Variants in BCL9 observed in about 807,000 individuals in gnomAD.
BCL9 encodes the protein B-cell CLL/lymphoma 9 protein.
Under a neutral mutation model 88.5 loss-of-function variants are expected in BCL9, and 25 were observed. The observed-to-expected ratio is 0.28, with a 90% CI of 0.21 to 0.39. The LOEUF is 0.39. Among genes scored for constraint, BCL9 ranks in the 10% least tolerant of loss-of-function variants. BCL9 has a pLI of 1.00. For missense variants in BCL9, 1,817 were observed against 1,877.8 expected (o/e 0.97, Z 0.60); for synonymous variants, 711 against 673.3 (o/e 1.06, Z -0.87).
intron 1 of BCL9, among the ~76,000 whole-genome samples, chr1:147,549,943 T>G (rs1553194660): frequency 6.6e-6 from 1 of 152,206 alleles, no homozygotes; most frequent in Admixed American, 6.5e-5. Context: ...TTCTTTGACT[T>G]GTCAAGAGCC....
At chr1:147,589,706 T>C (rs1337962368) in intron 1 of BCL9, among the ~76,000 whole-genome samples, 16 of 152,246 alleles carry the variant, frequency 1.1e-4, no homozygotes, top group African/African-American at 2.9e-4. Flanking sequence ...ATTGTAGGGA[T>C]AGACCACGTT....
intron 1 of BCL9, among the ~76,000 whole-genome samples, chr1:147,572,083 C>CAAAA (rs34956999): frequency 0.014 from 2,138 of 150,692 alleles, 25 homozygotes; most frequent in East Asian, 0.055. Flanking sequence ...ACTAAAAATA[C>CAAAA]AAAAAAAAAT....
intron 7 of BCL9, among the ~76,000 whole-genome samples, chr1:147,616,623 C>G (rs782020987): frequency 6.6e-6 from 1 of 152,070 alleles, no homozygotes; most frequent in Non-Finnish European, 1.5e-5. Flanking sequence ...AAAAATTAGC[C>G]GGGCATGCTG....
At chr1:147,596,032 G>A (rs1321780081) in intron 1 of BCL9, among the ~76,000 whole-genome samples, 1 of 152,212 alleles carries the variant, frequency 6.6e-6, no homozygotes, top group African/African-American at 2.4e-5. Context: ...GCCTTCTTAT[G>A]GGATCTGAGT....
In BCL9 at chr1:147,620,518, C is replaced by T. The variant is rs1283081622; in HGVS notation, c.2363C>T (p.Ser788Phe). 6.2e-7 allele frequency: 1 copy of T among 1,614,190 alleles called. No individual in the cohort carries two copies. Among genetic ancestry groups the T allele is most frequent in the Non-Finnish European group, 8.5e-7 (1 of 1,180,020 alleles). Reference protein sequence around the residue: ...GMGPRPFLPMSQGPGSNSGLR... With the variant: ...GMGPRPFLPMFQGPGSNSGLR... ...GGCCCCAGACCATTCCTTCCCATGT[C>T]TCAGGGTCCAGGCAGCAACAGTGGC... The change falls in exon 8 of 10, where the codon TCT becomes TTT. Residue 788 changes from serine (S) to phenylalanine (F), a missense_variant. By Grantham distance (155) the Ser-to-Phe change is radical. Coordinates refer to ENST00000234739, the MANE Select transcript of BCL9 (RefSeq NM_004326.4).
chr1:147,548,832 G>T (rs1553194515), intron 1 of BCL9, among the ~76,000 whole-genome samples: 1 of 151,998 alleles, frequency 6.6e-6, no homozygotes, highest in Non-Finnish European at 1.5e-5. Context: ...GAATTGACAA[G>T]AAGAATCTTA....
In BCL9 at chr1:147,544,794, T is replaced by G. The variant is rs75425864; in HGVS notation, c.-478+3120T>G. Among the ~76,000 whole-genome samples, 419 of 152,328 alleles carry G rather than the reference T, an allele frequency of 2.8e-3. 3 individuals carry two copies. The highest frequency in any genetic ancestry group is 4.9e-3 in the Non-Finnish European group (330 of 68,034). On this transcript the variant is annotated intron_variant, in intron 1 of 9. Transcript: ENST00000234739. The stretch of plus-strand genomic sequence containing the variant: ...TTTAGCAGATCTCTGGTTGTGCTAT[T>G]AAAATCTGACTGGTTTAGTGATATC...
At chr1:147,543,404 C>T (rs1271511232) in intron 1 of BCL9, among the ~76,000 whole-genome samples, 1 of 152,178 alleles carries the variant, frequency 6.6e-6, no homozygotes, top group African/African-American at 2.4e-5. Context: ...AAGGGCCAGC[C>T]CTGGCTGAGA....
At chr1:147,580,004 G>A (rs1351423831) in intron 1 of BCL9, among the ~76,000 whole-genome samples, 1 of 152,112 alleles carries the variant, frequency 6.6e-6, no homozygotes, top group Non-Finnish European at 1.5e-5. Context: ...ATCTCTGACT[G>A]GAAACTCTGA....
At chr1:147,610,032 T>G (rs928517077) in intron 3 of BCL9, among the ~76,000 whole-genome samples, 8 of 152,166 alleles carry the variant, frequency 5.3e-5, no homozygotes, top group Admixed American at 5.2e-4. Flanking sequence ...CTGAGGTAAA[T>G]GTTTTCTGAT....
At chr1:147,569,622 C>A (rs961370806) in intron 1 of BCL9, among the ~76,000 whole-genome samples, 10 of 151,904 alleles carry the variant, frequency 6.6e-5, no homozygotes, top group African/African-American at 2.4e-4. Context: ...TGCACTCCAG[C>A]CTGGATAACA....
intron 1 of BCL9, among the ~76,000 whole-genome samples, chr1:147,598,100 C>T (rs1263437235): frequency 6.6e-6 from 1 of 152,176 alleles, no homozygotes. Flanking sequence ...CATTAGCAAT[C>T]CCAAATGTTT....
chr1:147,553,751 G>A (rs1654990090), intron 1 of BCL9, among the ~76,000 whole-genome samples: 1 of 152,212 alleles, frequency 6.6e-6, no homozygotes, highest in African/African-American at 2.4e-5. Context: ...TGTAATATAA[G>A]CAGTAATTGT....
In BCL9 at chr1:147,620,849, C is replaced by T. The variant is rs373680197; in HGVS notation, c.2694C>T (p.Gly898=). The T allele has an allele frequency of 3.1e-6, 5 of 1,614,130 alleles. No homozygotes were observed. The highest frequency in any genetic ancestry group is 4.2e-6 in the Non-Finnish European group (5 of 1,179,988). The change falls in exon 8 of 10, where the codon GGC becomes GGT. Residue 898 remains glycine (G), a synonymous_variant. Coordinates refer to ENST00000234739, the MANE Select transcript of BCL9 (RefSeq NM_004326.4). The part of the protein sequence containing the change: ...TPSQLAGMLA[G]PAAAASIKSP... ...CGCAGCTGGCAGGCATGCTGGCGGGCCCAGCTGCTGCTGCTTCCATTAAGT... is the reference window on the plus strand; with the variant it reads ...CGCAGCTGGCAGGCATGCTGGCGGGTCCAGCTGCTGCTGCTTCCATTAAGT...
At position 147,625,381 on chromosome 1, in the gene BCL9, T is replaced by C. The variant is rs1658891569; in HGVS notation, c.*422T>C. 1.7e-5 allele frequency: 4 copies of C among 234,162 alleles called. 1 individual carries two copies. The Admixed American group carries it at 2.1e-4, about 13-fold the overall frequency. 14.5% of individuals were successfully genotyped at this position (234,162 alleles called of 1,614,324 possible). On this transcript the variant is annotated 3_prime_UTR_variant, in exon 10 of 10. Coordinates refer to ENST00000234739, the MANE Select transcript of BCL9 (RefSeq NM_004326.4). ...ATTTTTTTCTGTGTACTGTACTATA[T>C]TGTAAAAGGGATTTTAGCAGAGACT...
At chr1:147,542,264 A>T (rs1293415611) in intron 1 of BCL9, among the ~76,000 whole-genome samples, 1 of 152,180 alleles carries the variant, frequency 6.6e-6, no homozygotes, top group Admixed American at 6.5e-5. Flanking sequence ...GAGGAGCGGC[A>T]TGGCAGGCAA....
At chr1:147,559,384 C>T (rs1393789761) in intron 1 of BCL9, among the ~76,000 whole-genome samples, 3 of 152,150 alleles carry the variant, frequency 2.0e-5, no homozygotes, top group African/African-American at 7.2e-5. Context: ...TTGTATTTCT[C>T]TCTCTTGTCT....
In BCL9 at chr1:147,618,986, G is replaced by A; in HGVS notation, c.831G>A (p.Glu277=). ...CACCCCCACGTCCCCTGGACCGGGA[G>A]AGTCCTGGGGTAGAAAACAAACTGA... is the stretch of plus-strand genomic sequence containing the variant. The part of the protein sequence containing the change: ...PAAPPRPLDR[E]SPGVENKLIP... The change falls in exon 8 of 10, where the codon GAG becomes GAA. Residue 277 remains glutamate (E), a synonymous_variant. Transcript: ENST00000234739. 6.2e-7 allele frequency: 1 copy of A among 1,612,310 alleles called. No homozygotes were observed. Among genetic ancestry groups the A allele is most frequent in the Non-Finnish European group, 8.5e-7 (1 of 1,179,116 alleles).
At chr1:147,621,161 G>A (rs181297779) in intron 8 of BCL9, 104 bp downstream of exon 8, 1 of 1,276,854 alleles carries the variant, frequency 7.8e-7, no homozygotes, top group Non-Finnish European at 1.1e-6. Flanking sequence ...GACAGAGGAG[G>A]CAGTCTTTGT....
Sources: gnomAD v4.1 joint callset for allele counts (sites outside exome capture counted in the v4.1 genomes callset) on GRCh38, gnomAD v4.1.1 for gene constraint, MANE v1.5 for transcripts, NCBI Gene and HGNC (gene_info 2026-07-23, HGNC 2026-07-21) for gene names.